MPRIP: variants seen among roughly 807,000 people sequenced by gnomAD.
The protein encoded by MPRIP is myosin phosphatase Rho-interacting protein.
In MPRIP, 59 loss-of-function variants were observed where a neutral mutation model predicts 234.9. That is an observed-to-expected ratio of 0.25 (90% CI 0.20 to 0.31). The LOEUF (loss-of-function observed/expected upper bound fraction) is 0.31, where lower values mean the gene tolerates loss of function less well. MPRIP is among the 10% of genes least tolerant of loss of function. MPRIP has a pLI of 1.00. For synonymous variants in MPRIP, 1,144 were observed against 1,263.9 expected, an observed-to-expected ratio of 0.91 and a Z score of 2.01; for missense variants, 2,436 against 3,071.0, an observed-to-expected ratio of 0.79 and a Z score of 4.89.
intron 1 of MPRIP, among the ~76,000 whole-genome samples, chr17:17,058,365 T>G (rs544425214): frequency 1.4e-5 from 2 of 142,446 alleles, no homozygotes; most frequent in South Asian, 4.5e-4. Context: ...TCCAGGACTA[T>G]TAGGAGTAGG....
intron 3 of MPRIP, among the ~76,000 whole-genome samples, chr17:17,111,387 T>C (rs1024620224): frequency 4.6e-5 from 7 of 152,036 alleles, no homozygotes; most frequent in African/African-American, 1.7e-4. Context: ...CCCCAGCAGG[T>C]GTCCTGAGGC....
intron 2 of MPRIP, chr17:17,076,235 A>G (rs1482439485): frequency 6.4e-6 from 1 of 155,056 alleles, no homozygotes; most frequent in Non-Finnish European, 1.4e-5. Flanking sequence ...TAAAATGTGC[A>G]TTGCCCAGGG....
chr17:17,056,990 C>G (rs113130523), intron 1 of MPRIP, among the ~76,000 whole-genome samples: 102 of 152,370 alleles, frequency 6.7e-4, no homozygotes, highest in African/African-American at 2.3e-3. Flanking sequence ...AGTGGGATTG[C>G]TTCACCCTTT....
intron 3 of MPRIP, among the ~76,000 whole-genome samples, chr17:17,086,823 C>A (rs1440886203): frequency 6.6e-6 from 1 of 152,142 alleles, no homozygotes. Context: ...ACGTAGAGGT[C>A]GGAGCATTCT....
chr17:17,169,439 C>G (rs145275697), intron 16 of MPRIP, among the ~76,000 whole-genome samples: 3,458 of 152,320 alleles, frequency 0.023, 103 homozygotes, highest in Middle Eastern at 0.085. Flanking sequence ...AGGCCCCATG[C>G]AGGTGCCATT....
At chr17:17,067,375 C>G (rs1218433408) in intron 1 of MPRIP, among the ~76,000 whole-genome samples, 1 of 152,180 alleles carries the variant, frequency 6.6e-6, no homozygotes, top group African/African-American at 2.4e-5. Flanking sequence ...TGCAACACCA[C>G]CACAGTCCAT....
At position 17,057,060 on chromosome 17, in the gene MPRIP, C is replaced by T. The variant is rs530415022; in HGVS notation, c.123+14089C>T. Among the ~76,000 whole-genome samples, 15 of 152,356 alleles carry T rather than the reference C, an allele frequency of 9.8e-5. No individual in the cohort carries two copies. The South Asian group carries it at 3.1e-3, about 32-fold the overall frequency. ...TGTGCGGGCATTTGTCTGAACACCTCCTTTCAGCGGACCCCAGGAGAGGAC... is the reference window on the plus strand; with the variant it reads ...TGTGCGGGCATTTGTCTGAACACCTTCTTTCAGCGGACCCCAGGAGAGGAC... On this transcript the variant is annotated intron_variant, in intron 1 of 23. Coordinates refer to ENST00000651222, the MANE Select transcript of MPRIP (RefSeq NM_001364716.4).
chr17:17,084,589 TGTCTTTCCTTCACCAAGTG>T (rs1376867225), intron 3 of MPRIP, among the ~76,000 whole-genome samples: 2 of 152,210 alleles, frequency 1.3e-5, no homozygotes, highest in East Asian at 3.9e-4. Context: ...AGAGGGATGG[TGTCTTTCCTTCACCAAGTG>T]ATCTTGTCCT....
Position 17,131,663 on chromosome 17 carries a change from CAG to C in MPRIP, c.468_469del (p.Lys157GlufsTer37). 6.2e-7 allele frequency: 1 copy of C among 1,614,172 alleles called. No homozygotes were observed. Among genetic ancestry groups the C allele is most frequent in the Non-Finnish European group, 8.5e-7 (1 of 1,180,030 alleles). On this transcript the variant is annotated frameshift_variant, in exon 5 of 24. Coordinates refer to ENST00000651222, the MANE Select transcript of MPRIP (RefSeq NM_001364716.4). LOFTEE classifies it high-confidence loss of function. ...CTATCCCCGGACCAACAAGCAGAAT[CAG>C]AAGAAGAAACGGAAAGTGGAGCCCC... is the stretch of plus-strand genomic sequence containing the variant. ...MVYPRTNKQN[Q>X]KKKRKVEPPT...
Position 17,154,431 on chromosome 17 carries a change from C to T in MPRIP, c.1829+16C>T, listed in dbSNP as rs930534783. 3 of 1,610,126 alleles carry T rather than the reference C, an allele frequency of 1.9e-6. No homozygotes were observed. The highest frequency in any genetic ancestry group is 1.7e-5 in the Admixed American group (1 of 60,020). ...ATGTGACCAGGTAGGATGGTGAAGA[C>T]ACCAGGGAGCCCTTTGTGCCTCTTG... On this transcript the variant is annotated intron_variant, in intron 13 of 23. Coordinates refer to ENST00000651222, the MANE Select transcript of MPRIP (RefSeq NM_001364716.4).
intron 12 of MPRIP, among the ~76,000 whole-genome samples, chr17:17,150,674 T>A (rs1347925553): frequency 7.1e-6 from 1 of 141,372 alleles, no homozygotes; most frequent in East Asian, 2.0e-4. Flanking sequence ...GGTACTCAGA[T>A]GAGCAAGGCA....
At chr17:17,093,960 G>A (rs753090975) in intron 3 of MPRIP, among the ~76,000 whole-genome samples, 2 of 152,276 alleles carry the variant, frequency 1.3e-5, no homozygotes, top group East Asian at 1.9e-4. Flanking sequence ...AGAGCTGGCC[G>A]TCCTCACGTT....
rs887793112 is a variant in MPRIP, at chr17:17,150,232, A to G, written c.1718A>G (p.His573Arg). The part of the protein sequence containing the change: ...PVQRNYGFQI[H>R]TKEGEFTLSA... ...CAGAGAAACTATGGCTTCCAGATAC[A>G]TGTGAGTCCAGGGATGGAAGTGGGG... is the stretch of plus-strand genomic sequence containing the variant. Residue 573 changes from histidine to arginine, a missense_variant and splice_region_variant, in exon 12 of 24, where the codon CAT (histidine) becomes CGT (arginine). Coordinates refer to ENST00000651222, the MANE Select transcript of MPRIP (RefSeq NM_001364716.4). 6.2e-6 allele frequency: 10 copies of G among 1,608,498 alleles called. No individual in the cohort carries two copies. The highest frequency in any genetic ancestry group is 1.7e-4 in the Middle Eastern group (1 of 6,058).
chr17:17,115,448 G>A (rs1447718521), intron 3 of MPRIP, among the ~76,000 whole-genome samples: 2 of 152,236 alleles, frequency 1.3e-5, no homozygotes, highest in Non-Finnish European at 2.9e-5. Flanking sequence ...AGGGAGGCGA[G>A]CTCTTTCTCG....
At chr17:17,071,218 T>C (rs953749304) in intron 1 of MPRIP, among the ~76,000 whole-genome samples, 1 of 152,224 alleles carries the variant, frequency 6.6e-6, no homozygotes, top group African/African-American at 2.4e-5. Context: ...GCCTTTCCTG[T>C]GACTTTTGGC....
intron 1 of MPRIP, among the ~76,000 whole-genome samples, chr17:17,057,111 G>A (rs2088723487): frequency 6.6e-6 from 1 of 152,258 alleles, no homozygotes; most frequent in African/African-American, 2.4e-5. Flanking sequence ...CATTCTGTCA[G>A]TGAGCTGTTT....
chr17:17,066,723 C>CTTTTTTTTTT lies in MPRIP; in HGVS notation c.124-8950_124-8941dup, dbSNP rs34804730. Among the ~76,000 whole-genome samples the CTTTTTTTTTT allele has an allele frequency of 4.6e-4, 17 of 36,686 alleles. 4 individuals carry two copies. Among genetic ancestry groups the CTTTTTTTTTT allele is most frequent in the Non-Finnish European group, 6.6e-4 (11 of 16,614 alleles). The allele number at this position is 36,686 out of a possible 152,430, so 24.1% of individuals were successfully genotyped here. A position where few individuals can be genotyped will look rare whatever the true frequency, so the allele number is the denominator to read the frequency against. On this transcript the variant is annotated intron_variant, in intron 1 of 23. Coordinates refer to ENST00000651222, the MANE Select transcript of MPRIP (RefSeq NM_001364716.4). ...TCAAACCCACAGATACTTTTTTCAT[C>CTTTTTTTTTT]TTTTTTTTTTTTTTTTTTTTTTTTT...
At chr17:17,070,497 T>C (rs948106270) in intron 1 of MPRIP, among the ~76,000 whole-genome samples, 2 of 152,238 alleles carry the variant, frequency 1.3e-5, no homozygotes, top group Non-Finnish European at 2.9e-5. Context: ...TGTTGTTCTG[T>C]GTTCCAGTTC....
intron 3 of MPRIP, among the ~76,000 whole-genome samples, chr17:17,123,622 T>C (rs962199147): frequency 1.4e-4 from 21 of 149,132 alleles, no homozygotes; most frequent in Non-Finnish European, 2.4e-4. Context: ...GAGAATCCCT[T>C]GAACCCAGGG....
Sources: allele counts gnomAD v4.1 joint callset (sites outside exome capture counted in the v4.1 genomes callset), GRCh38; gene constraint gnomAD v4.1.1; transcripts MANE v1.5; gene names NCBI Gene and HGNC (gene_info 2026-07-23, HGNC 2026-07-21).